Variants in THSD7A observed in about 807,000 individuals in gnomAD.
THSD7A encodes thrombospondin type 1 domain containing 7A.
Under a neutral mutation model 231.3 loss-of-function variants are expected in THSD7A, and 96 were observed. That is an observed-to-expected ratio of 0.41 (90% CI 0.35 to 0.49). The LOEUF (loss-of-function observed/expected upper bound fraction) is 0.49. Ranked by LOEUF, THSD7A falls within the 20% of genes least tolerant of loss-of-function variation. The pLI is 0.05. For synonymous variants in THSD7A, 940 were observed against 743.3 expected (o/e 1.26, Z -4.30); for missense variants, 2,290 against 2,070.2 (o/e 1.11, Z -2.06).
At chr7:11,734,912 C>T (rs17247584) in intron 1 of THSD7A, among the ~76,000 whole-genome samples, 41,304 of 151,714 alleles carry the variant, frequency 0.27, 7,001 homozygotes, top group Admixed American at 0.37. Flanking sequence ...TTTTGGTCAA[C>T]GAATTTATTG....
chr7:11,641,650 G>A (rs1584132093), intron 1 of THSD7A, among the ~76,000 whole-genome samples: 1 of 151,642 alleles, frequency 6.6e-6, no homozygotes, highest in Non-Finnish European at 1.5e-5. Flanking sequence ...AAACTTCATG[G>A]AGATATATAA....
At chr7:11,399,180 T>G (rs549840269) in intron 23 of THSD7A, among the ~76,000 whole-genome samples, 4 of 152,192 alleles carry the variant, frequency 2.6e-5, no homozygotes, top group Non-Finnish European at 4.4e-5. Context: ...AAATTTTAGT[T>G]TGTGTGCATA....
intron 1 of THSD7A, among the ~76,000 whole-genome samples, chr7:11,639,483 C>A (rs1332154102): frequency 2.0e-5 from 3 of 151,974 alleles, no homozygotes; most frequent in Non-Finnish European, 2.9e-5. Context: ...TCCTGACTAA[C>A]ACAGTGAAAC....
At chr7:11,641,989 G>T (rs1331861531) in intron 1 of THSD7A, among the ~76,000 whole-genome samples, 1 of 152,052 alleles carries the variant, frequency 6.6e-6, no homozygotes, top group Non-Finnish European at 1.5e-5. Flanking sequence ...ATAGAAAAAG[G>T]ACCACATTCA....
chr7:11,634,271 C>G lies in THSD7A; in HGVS notation c.1022+1859G>C, dbSNP rs1375718253. On this transcript the variant is annotated intron_variant, in intron 2 of 27. Coordinates refer to ENST00000423059, the MANE Select transcript of THSD7A (RefSeq NM_015204.3). This position sits in a 1 kb window ranked among gnomAD's most constrained non-coding sequence, Gnocchi z 4.1. ...GATACAAGTTCCTGACAAATAAACT[C>G]TGCAGTTTTAAATATGTTTGTTTAA... is the stretch of plus-strand genomic sequence containing the variant. Among the ~76,000 whole-genome samples the G allele has an allele frequency of 2.6e-5, 4 of 152,074 alleles. No homozygotes were observed. Among genetic ancestry groups the G allele is most frequent in the Admixed American group, 6.5e-5 (1 of 15,274 alleles).
intron 1 of THSD7A, among the ~76,000 whole-genome samples, chr7:11,746,268 T>C (rs1488661057): frequency 6.6e-6 from 1 of 151,898 alleles, no homozygotes; most frequent in Admixed American, 6.6e-5. Context: ...CTCACACCGT[T>C]TTTCCTAAAG....
At chr7:11,724,445 A>C (rs114188420) in intron 1 of THSD7A, among the ~76,000 whole-genome samples, 2,094 of 151,972 alleles carry the variant, frequency 0.014, 36 homozygotes, top group African/African-American at 0.048. Flanking sequence ...CTCTGTACTG[A>C]TTTTATTGCT....
At chr7:11,423,347 TA>T (rs1353032749) in intron 16 of THSD7A, among the ~76,000 whole-genome samples, 1 of 150,882 alleles carries the variant, frequency 6.6e-6, no homozygotes, top group Non-Finnish European at 1.5e-5. Flanking sequence ...AACTTCTTCA[TA>T]ACATGGGTTG....
chr7:11,569,193 G>A (rs947692081), intron 4 of THSD7A, among the ~76,000 whole-genome samples: 1 of 152,050 alleles, frequency 6.6e-6, no homozygotes, highest in Non-Finnish European at 1.5e-5. Context: ...TGGGACATTA[G>A]AATAAAATGT....
chr7:11,404,838 C>T (rs1300447243), intron 22 of THSD7A, among the ~76,000 whole-genome samples: 1 of 152,098 alleles, frequency 6.6e-6, no homozygotes, highest in African/African-American at 2.4e-5. Context: ...TTTAGGTATA[C>T]AATACAGTAT....
intron 1 of THSD7A, among the ~76,000 whole-genome samples, chr7:11,718,922 A>G (rs927244943): frequency 2.0e-5 from 3 of 151,484 alleles, no homozygotes; most frequent in African/African-American, 7.3e-5. Flanking sequence ...AATAGGGACA[A>G]TTATGAAAAA....
intron 1 of THSD7A, among the ~76,000 whole-genome samples, chr7:11,737,897 T>G (rs1394058714): frequency 2.0e-5 from 3 of 152,020 alleles, no homozygotes; most frequent in African/African-American, 7.2e-5. Context: ...TATTTAGTCA[T>G]AAATGAACAA....
At chr7:11,505,006 G>A (rs1211467566) in intron 6 of THSD7A, among the ~76,000 whole-genome samples, 1 of 152,120 alleles carries the variant, frequency 6.6e-6, no homozygotes, top group Non-Finnish European at 1.5e-5. Flanking sequence ...ACTAGTTAGA[G>A]ATGCAGGCAT....
chr7:11,714,203 AAATT>A (rs1562497367), intron 1 of THSD7A, among the ~76,000 whole-genome samples: 1 of 151,220 alleles, frequency 6.6e-6, no homozygotes, highest in African/African-American at 2.4e-5. Context: ...ATAGTATAAT[AAATT>A]AATTATAAAA....
intron 23 of THSD7A, chr7:11,385,165 A>T (rs1187839754): frequency 1.3e-5 from 2 of 151,628 alleles, no homozygotes; most frequent in Non-Finnish European, 2.9e-5. Context: ...TAAATTGTAC[A>T]ATGTTTCTGA....
intron 23 of THSD7A, 82 bp from the exon 24 acceptor site, chr7:11,382,698 T>A: frequency 9.7e-7 from 1 of 1,030,140 alleles, no homozygotes. Flanking sequence ...AATAACATAT[T>A]ACTGAAAAGT....
At chr7:11,774,487 TACACACACAC>T (rs71830837) in intron 1 of THSD7A, among the ~76,000 whole-genome samples, 39,413 of 148,914 alleles carry the variant, frequency 0.26, 5,250 homozygotes, top group Middle Eastern at 0.4. Flanking sequence ...TAAGCATTCT[TACACACACAC>T]ACACACACAC....
At chr7:11,714,145 A>G (rs138889741) in intron 1 of THSD7A, among the ~76,000 whole-genome samples, 1 of 151,246 alleles carries the variant, frequency 6.6e-6, no homozygotes, top group African/African-American at 2.4e-5. Context: ...GTAGTAAGTG[A>G]TGTAATAATC....
intron 13 of THSD7A, among the ~76,000 whole-genome samples, chr7:11,430,529 T>C (rs1489289469): frequency 6.6e-6 from 1 of 152,168 alleles, no homozygotes; most frequent in Non-Finnish European, 1.5e-5. Flanking sequence ...GGTGTCATCA[T>C]AGCTCACTGC....
Sources: gnomAD v4.1 joint callset for allele counts (sites outside exome capture counted in the v4.1 genomes callset) on GRCh38, gnomAD v4.1.1 for gene constraint, Gnocchi (gnomAD v3.1) non-coding constraint, MANE v1.5 for transcripts, NCBI Gene and HGNC (gene_info 2026-07-23, HGNC 2026-07-21) for gene names.